Variants in CCDC12 observed in about 807,000 individuals in gnomAD.
CCDC12 encodes coiled-coil domain-containing protein 12.
A neutral mutation model predicts 25.7 loss-of-function variants in CCDC12; 28 were observed. The observed-to-expected ratio is 1.09, with a 90% CI of 0.81 to 1.50. CCDC12 has a LOEUF of 1.50. CCDC12 is among the 40% of genes most tolerant of loss of function. CCDC12 has a pLI of 0.00. For synonymous variants in CCDC12, 75 were observed against 87.7 expected (o/e 0.86, Z 0.81); for missense variants, 198 against 210.0 (o/e 0.94, Z 0.35).
intron 1 of CCDC12, among the ~76,000 whole-genome samples, chr3:46,971,186 G>A (rs1338384029): frequency 6.6e-6 from 1 of 152,190 alleles, no homozygotes; most frequent in Non-Finnish European, 1.5e-5. Flanking sequence ...CATCCTCCGT[G>A]GCTCAGCTCA....
intron 2 of CCDC12, among the ~76,000 whole-genome samples, chr3:46,936,375 G>A (rs1021948800): frequency 1.3e-5 from 2 of 152,126 alleles, no homozygotes; most frequent in Admixed American, 6.5e-5. Flanking sequence ...CCTTTTCGAG[G>A]TGTGTCCAGA....
chr3:46,943,233 C>T (rs1430606647), intron 1 of CCDC12, among the ~76,000 whole-genome samples: 1 of 152,124 alleles, frequency 6.6e-6, no homozygotes. Context: ...GGGACCTGGA[C>T]GGGGCTTCCA....
In CCDC12 at chr3:46,922,099, T is replaced by C; in HGVS notation, c.459A>G (p.Ala153=). The C allele has an allele frequency of 6.2e-7, 1 of 1,614,262 alleles. No homozygotes were observed. The highest frequency in any genetic ancestry group is 8.5e-7 in the Non-Finnish European group (1 of 1,180,044). ...TCTTTTGTTCGGTGGCAGCATCCAC[T>C]GCAGAGGCTAGGCTGTCTTCCTGGC... ...LKGQEDSLAS[A]VDAATEQKTC... Residue 153 remains alanine, a synonymous_variant, in exon 7 of 7, where the codon GCA becomes GCG. Transcript: ENST00000683445.
chr3:46,964,273 C>T (rs1378675370), intron 1 of CCDC12, among the ~76,000 whole-genome samples: 6 of 151,238 alleles, frequency 4.0e-5, no homozygotes, highest in Non-Finnish European at 3.0e-5. Flanking sequence ...CCACCCCGTC[C>T]GGGAGGGAGG....
chr3:46,923,390 G>C, intron 4 of CCDC12, 27 bp from the exon 5 acceptor site: 1 of 1,532,370 alleles, frequency 6.5e-7, no homozygotes, highest in East Asian at 2.4e-5. Flanking sequence ...CACACATCAG[G>C]GTGGAGGGGC....
chr3:46,968,355 C>G (rs1559565975), intron 1 of CCDC12, among the ~76,000 whole-genome samples: 22 of 152,132 alleles, frequency 1.4e-4, no homozygotes, highest in East Asian at 3.8e-4. Context: ...CCACTGGAAC[C>G]GGGCCAGTTC....
upstream of CCDC12, among the ~76,000 whole-genome samples, chr3:46,978,741 T>TGGGAGGTCGAGGCGGGTGGATC (rs2035098751): frequency 6.6e-6 from 1 of 151,986 alleles, no homozygotes; most frequent in African/African-American, 2.4e-5. Flanking sequence ...CCCAGCACTT[T>TGGGAGGTCGAGGCGGGTGGATC]GGGAGGTCGA....
At chr3:46,948,160 G>T (rs2033976287) in intron 1 of CCDC12, among the ~76,000 whole-genome samples, 1 of 152,226 alleles carries the variant, frequency 6.6e-6, no homozygotes, top group Non-Finnish European at 1.5e-5. Flanking sequence ...GACATTAGGA[G>T]ATGACGTCAG....
intron 5 of CCDC12, chr3:46,922,538 C>T: frequency 1.7e-6 from 1 of 596,130 alleles, no homozygotes; most frequent in East Asian, 2.8e-5. Context: ...CACAAACCCA[C>T]CCAACACAAG....
At chr3:46,980,587 T>C (rs74487585), upstream of CCDC12, among the ~76,000 whole-genome samples, 271 of 147,184 alleles carry the variant, frequency 1.8e-3, no homozygotes, top group African/African-American at 6.3e-3. Context: ...AGGGTGAGGG[T>C]GGGTCCTTGA....
chr3:46,974,636 T>C (rs1303840471), intron 1 of CCDC12, among the ~76,000 whole-genome samples: 11 of 152,212 alleles, frequency 7.2e-5, no homozygotes, highest in Admixed American at 7.2e-4. Flanking sequence ...TCACACCCTA[T>C]TACTTCCCTT....
In CCDC12 at chr3:46,942,457, G is replaced by A. The variant is rs1003235129; in HGVS notation, c.97-1392C>T. ...GCCTGCTCTGGTGGACACAGAATGC[G>A]CTGGAGCCTGCATATAAATTATAAG... On this transcript the variant is annotated intron_variant, in intron 1 of 6. Transcript: ENST00000683445. 1.3e-4 allele frequency among the ~76,000 whole-genome samples: 20 copies of A among 152,356 alleles called. 1 individual carries two copies. Among genetic ancestry groups the A allele is most frequent in the South Asian group, 2.1e-4 (1 of 4,832 alleles).
chr3:46,923,716 A>G (rs776480513), intron 3 of CCDC12, 48 bp from the exon 4 acceptor site: 13 of 1,413,342 alleles, frequency 9.2e-6, no homozygotes, highest in Non-Finnish European at 1.2e-5. Flanking sequence ...ACGCGCTGCC[A>G]CTCTGCAGGG....
intron 2 of CCDC12, among the ~76,000 whole-genome samples, chr3:46,931,305 C>T (rs1406736480): frequency 2.6e-5 from 4 of 152,134 alleles, no homozygotes; most frequent in African/African-American, 9.7e-5. Flanking sequence ...GAAATCACCC[C>T]TAGGGTGCTT....
chr3:46,928,772 T>C (rs1474843648), intron 2 of CCDC12, among the ~76,000 whole-genome samples: 2 of 152,176 alleles, frequency 1.3e-5, no homozygotes, highest in African/African-American at 4.8e-5. Flanking sequence ...CTAAAAGGAA[T>C]ACTTTAGGCT....
intron 1 of CCDC12, among the ~76,000 whole-genome samples, chr3:46,945,107 G>C (rs144852795): frequency 6.6e-6 from 1 of 152,354 alleles, no homozygotes; most frequent in African/African-American, 2.4e-5. Flanking sequence ...CGTAGGCCCA[G>C]GGCACAGGCC....
chr3:46,941,950 G>A (rs145809613), intron 1 of CCDC12, among the ~76,000 whole-genome samples: 30 of 152,342 alleles, frequency 2.0e-4, no homozygotes, highest in African/African-American at 7.2e-4. Flanking sequence ...GGGAGACAGA[G>A]GCAAGGGGAA....
chr3:46,923,777 C>T, intron 3 of CCDC12, 109 bp from the exon 4 acceptor site: 2 of 933,220 alleles, frequency 2.1e-6, no homozygotes, highest in South Asian at 2.5e-5. Flanking sequence ...GGCTTCCTTG[C>T]TCCCACCTCT....
At chr3:46,976,591 C>G (rs367774570) in intron 1 of CCDC12, 46 bp downstream of exon 1, 1 of 1,580,930 alleles carries the variant, frequency 6.3e-7, no homozygotes, top group African/African-American at 1.4e-5. Flanking sequence ...ACCCGGACCC[C>G]GAACGCTGGA....
Sources: gnomAD v4.1 joint callset for allele counts (sites outside exome capture counted in the v4.1 genomes callset) on GRCh38, gnomAD v4.1.1 for gene constraint, MANE v1.5 for transcripts, NCBI Gene and HGNC (gene_info 2026-07-23, HGNC 2026-07-21) for gene names.